The following CIMIP2C variants were observed in gnomAD, a reference collection of about 807,000 sequenced individuals.
The protein encoded by CIMIP2C is UPF0573 protein C2orf70.
At chr2:26,577,590 C>T in the CIMIP2C span, 12 of 1,613,946 alleles carry the variant, frequency 7.4e-6, no homozygotes, top group African/African-American at 6.7e-5. Flanking sequence ...TTGCGATGCC[C>T]GTGAGGGAGC....
the CIMIP2C span, among the ~76,000 whole-genome samples, chr2:26,573,259 T>C: frequency 6.6e-6 from 1 of 152,192 alleles, no homozygotes; most frequent in South Asian, 2.1e-4. Context: ...AGGGAGGGAA[T>C]CTGCAATCCC....
chr2:26,578,482 A>G, the CIMIP2C span: 23 of 254,372 alleles, frequency 9.0e-5, no homozygotes, highest in South Asian at 9.9e-4. Context: ...CAAGTCAGAC[A>G]GGATCATTTT....
At chr2:26,572,219 A>T in the CIMIP2C span, 31 of 1,255,700 alleles carry the variant, frequency 2.5e-5, no homozygotes, top group Non-Finnish European at 3.3e-5. Flanking sequence ...TTTTACTTTG[A>T]CAGGTTTTAT....
At chr2:26,573,571 C>G in the CIMIP2C span, among the ~76,000 whole-genome samples, 1 of 152,258 alleles carries the variant, frequency 6.6e-6, no homozygotes, top group Non-Finnish European at 1.5e-5. Context: ...CCTGAAGCGG[C>G]CAAGGTGACC....
chr2:26,577,892 G>A, the CIMIP2C span: 6 of 460,958 alleles, frequency 1.3e-5, no homozygotes, highest in Non-Finnish European at 1.9e-5. Context: ...AGCTCCGTAA[G>A]CTTAGTGGGC....
chr2:26,574,924 G>C, the CIMIP2C span, among the ~76,000 whole-genome samples: 1 of 152,256 alleles, frequency 6.6e-6, no homozygotes, highest in African/African-American at 2.4e-5. Context: ...AGACCCCAGA[G>C]AGTGAGGCAT....
At chr2:26,564,311 G>A in the CIMIP2C span, among the ~76,000 whole-genome samples, 1 of 152,218 alleles carries the variant, frequency 6.6e-6, no homozygotes, top group East Asian at 1.9e-4. Context: ...TGGTGCTCCT[G>A]CAAACCCTGC....
chr2:26,575,052 CT>C, the CIMIP2C span, among the ~76,000 whole-genome samples: 1 of 152,220 alleles, frequency 6.6e-6, no homozygotes, highest in Admixed American at 6.5e-5. Flanking sequence ...GTCTTTAGCT[CT>C]TGGAGCGAGT....
chr2:26,571,016 G>A, the CIMIP2C span, among the ~76,000 whole-genome samples: 1 of 152,142 alleles, frequency 6.6e-6, no homozygotes, highest in Non-Finnish European at 1.5e-5. Flanking sequence ...AGGGGGCAGG[G>A]ATATACTGGA....
the CIMIP2C span, chr2:26,577,906 A>G: frequency 2.3e-6 from 1 of 434,172 alleles, no homozygotes; most frequent in Non-Finnish European, 4.1e-6. Flanking sequence ...AGTGGGCCTG[A>G]ATCTGCGGAC....
chr2:26,579,395 A>G, the CIMIP2C span: 1 of 1,614,050 alleles, frequency 6.2e-7, no homozygotes, highest in Non-Finnish European at 8.5e-7. Context: ...GTCTCTCCAC[A>G]GGAGCGGAAA....
chr2:26,577,883 G>A, the CIMIP2C span: 4 of 472,240 alleles, frequency 8.5e-6, no homozygotes, highest in South Asian at 1.1e-4. Flanking sequence ...TTTGGGAGAA[G>A]CTCCGTAAGC....
the CIMIP2C span, chr2:26,572,115 G>A: frequency 6.5e-7 from 1 of 1,544,800 alleles, no homozygotes; most frequent in Non-Finnish European, 8.7e-7. Flanking sequence ...TTCAATTTTA[G>A]ATGCCATGGG....
the CIMIP2C span, among the ~76,000 whole-genome samples, chr2:26,568,713 C>T: frequency 6.6e-6 from 1 of 152,152 alleles, no homozygotes; most frequent in Admixed American, 6.5e-5. Context: ...ATTCCAGTGG[C>T]TCAGATTATT....
the CIMIP2C span, among the ~76,000 whole-genome samples, chr2:26,576,753 G>C: frequency 4.4e-3 from 666 of 152,304 alleles, 5 homozygotes; most frequent in African/African-American, 0.015. Flanking sequence ...CTCGAGGAAG[G>C]GGACCCACCC....
chr2:26,571,627 G>A, the CIMIP2C span, among the ~76,000 whole-genome samples: 1 of 152,140 alleles, frequency 6.6e-6, no homozygotes, highest in African/African-American at 2.4e-5. Context: ...AAAAAATGAT[G>A]TGTGTACAAA....
chr2:26,574,752 G>A, the CIMIP2C span, among the ~76,000 whole-genome samples: 1 of 152,258 alleles, frequency 6.6e-6, no homozygotes, highest in South Asian at 2.1e-4. Flanking sequence ...AGGAGCAAAG[G>A]TGTCATCCAA....
At chr2:26,572,026 C>A in the CIMIP2C span, 4 of 1,325,602 alleles carry the variant, frequency 3.0e-6, no homozygotes, top group South Asian at 3.4e-5. Flanking sequence ...CAAAAAGATC[C>A]CACTATAGGA....
chr2:26,567,100 T>C, the CIMIP2C span, among the ~76,000 whole-genome samples: 2 of 152,206 alleles, frequency 1.3e-5, no homozygotes, highest in African/African-American at 4.8e-5. Context: ...AATTTAGAAG[T>C]TGATTCCTTT....
Sources: allele counts gnomAD v4.1 joint callset (sites outside exome capture counted in the v4.1 genomes callset), GRCh38; gene constraint gnomAD v4.1.1; transcripts MANE v1.5; gene names NCBI Gene and HGNC (gene_info 2026-07-23, HGNC 2026-07-21).